Variants in HORMAD2 observed in about 807,000 individuals in gnomAD.
HORMAD2 encodes HORMA domain-containing protein 2.
A neutral mutation model predicts 38.8 loss-of-function variants in HORMAD2; 45 were observed. The ratio of observed to expected loss-of-function variants is 1.16; its 90% confidence interval spans 0.91 to 1.49. HORMAD2 has a LOEUF of 1.49. HORMAD2 is among the 40% of genes most tolerant of loss of function. HORMAD2 has a pLI of 0.00. For missense variants in HORMAD2, 338 were observed against 367.0 expected, an observed-to-expected ratio of 0.92 and a Z score of 0.65; for synonymous variants, 126 against 122.8, an observed-to-expected ratio of 1.03 and a Z score of -0.17.
chr22:30,140,689 G>A (rs879580526), intron 10 of HORMAD2, among the ~76,000 whole-genome samples: 2 of 152,072 alleles, frequency 1.3e-5, no homozygotes, highest in African/African-American at 2.4e-5. Flanking sequence ...GGTCAAGCTG[G>A]CTAAAGGTTT....
the HORMAD2 span, among the ~76,000 whole-genome samples, chr22:30,203,876 G>A: frequency 6.6e-6 from 1 of 152,110 alleles, no homozygotes; most frequent in Non-Finnish European, 1.5e-5. Context: ...ACATGTCCAT[G>A]CGTATAGGTT....
intron 10 of HORMAD2, among the ~76,000 whole-genome samples, chr22:30,127,431 A>C (rs1368945408): frequency 6.6e-6 from 1 of 151,536 alleles, no homozygotes; most frequent in African/African-American, 2.4e-5. Context: ...CTGGTCTCGA[A>C]CTCCTGACTT....
intron 10 of HORMAD2, among the ~76,000 whole-genome samples, chr22:30,163,165 A>G (rs541256233): frequency 7.2e-5 from 11 of 152,172 alleles, no homozygotes; most frequent in Non-Finnish European, 1.6e-4. Context: ...AAAGTGTTCT[A>G]GGTTTATTTC....
rs1601520733 is a variant in HORMAD2 at position 30,104,530 on chromosome 22, AC to A, written c.294+94del. 7 of 1,081,710 alleles carry A rather than the reference AC, an allele frequency of 6.5e-6. No homozygotes were observed. The East Asian group carries it at 1.7e-4, about 26-fold the overall frequency. 67.0% of individuals were successfully genotyped at this position (1,081,710 alleles called of 1,614,324 possible). On this transcript the variant is annotated intron_variant, in intron 5 of 10. Transcript: ENST00000336726. ...GACATTTATTTTGTTTTTGTGTTTA[AC>A]AGTATAAGTGTCTACGTTTGCATCC...
intron 10 of HORMAD2, among the ~76,000 whole-genome samples, chr22:30,129,255 AAGAGAG>A (rs1569102362): frequency 1.9e-4 from 9 of 48,454 alleles, no homozygotes; most frequent in Non-Finnish European, 2.9e-4. Context: ...AAAAAAAAAA[AAGAGAG>A]AGAGAGAATA....
At chr22:30,096,097 A>G (rs1055969103) in intron 2 of HORMAD2, among the ~76,000 whole-genome samples, 3 of 152,188 alleles carry the variant, frequency 2.0e-5, no homozygotes, top group Non-Finnish European at 4.4e-5. Context: ...AGTCATCTAT[A>G]TTACTCAGTA....
intron 7 of HORMAD2, among the ~76,000 whole-genome samples, chr22:30,115,241 C>T (rs1167462002): frequency 6.6e-6 from 1 of 152,132 alleles, no homozygotes; most frequent in African/African-American, 2.4e-5. Flanking sequence ...ATCCTCCAAC[C>T]TCAGCTTCCC....
intron 1 of HORMAD2, among the ~76,000 whole-genome samples, chr22:30,085,154 A>G (rs1258759891): frequency 6.6e-6 from 1 of 152,022 alleles, no homozygotes; most frequent in Non-Finnish European, 1.5e-5. Flanking sequence ...TCAAAAAAAA[A>G]AAAAATGAGC....
At chr22:30,124,255 GAACACA>G (rs1922673397) in intron 10 of HORMAD2, among the ~76,000 whole-genome samples, 1 of 74,082 alleles carries the variant, frequency 1.3e-5, no homozygotes, top group Admixed American at 1.4e-4. Flanking sequence ...GGAATACATG[GAACACA>G]CACACACACA....
downstream of HORMAD2, among the ~76,000 whole-genome samples, chr22:30,178,657 T>C (rs1048869857): frequency 2.0e-5 from 3 of 152,222 alleles, no homozygotes; most frequent in African/African-American, 4.8e-5. Context: ...GCTGACACTT[T>C]AGTGAAAAGA....
At chr22:30,165,469 G>A (rs1407308634) in intron 10 of HORMAD2, among the ~76,000 whole-genome samples, 2 of 152,184 alleles carry the variant, frequency 1.3e-5, no homozygotes, top group Non-Finnish European at 2.9e-5. Flanking sequence ...GAGAAAGGTT[G>A]TGTTGAGTCT....
intron 2 of HORMAD2, among the ~76,000 whole-genome samples, chr22:30,098,558 G>A (rs531912978): frequency 9.2e-5 from 14 of 152,242 alleles, no homozygotes; most frequent in South Asian, 6.2e-4. Flanking sequence ...TCTGAGGAGT[G>A]TATGAGAGGG....
chr22:30,144,564 G>A (rs1420278394), intron 10 of HORMAD2, among the ~76,000 whole-genome samples: 2 of 152,200 alleles, frequency 1.3e-5, no homozygotes, highest in Non-Finnish European at 2.9e-5. Flanking sequence ...TCTGGAGCTA[G>A]GTACGGGGAC....
chr22:30,127,354 A>C (rs1287824008), intron 10 of HORMAD2, among the ~76,000 whole-genome samples: 1 of 151,664 alleles, frequency 6.6e-6, no homozygotes, highest in African/African-American at 2.4e-5. Context: ...GATTACAGGC[A>C]TGTGCCACCA....
At chr22:30,096,019 T>G (rs2068775542) in intron 2 of HORMAD2, among the ~76,000 whole-genome samples, 1 of 152,176 alleles carries the variant, frequency 6.6e-6, no homozygotes, top group Non-Finnish European at 1.5e-5. Context: ...TATTGTACTT[T>G]ATATAAATGA....
At chr22:30,143,984 C>CTGATGCCAG (rs1924251806) in intron 10 of HORMAD2, among the ~76,000 whole-genome samples, 1 of 152,218 alleles carries the variant, frequency 6.6e-6, no homozygotes, top group Non-Finnish European at 1.5e-5. Context: ...TCACCAGAAG[C>CTGATGCCAG]TGATGCCAGT....
intron 10 of HORMAD2, among the ~76,000 whole-genome samples, chr22:30,154,467 A>G (rs552627622): frequency 2.6e-5 from 4 of 152,364 alleles, no homozygotes; most frequent in Non-Finnish European, 5.9e-5. Context: ...TATTCACAAT[A>G]TAACCATCAA....
rs558165925 is a variant in HORMAD2 at position 30,112,348 on chromosome 22, A to G, written c.316-148A>G. 45 of 548,408 alleles carry G rather than the reference A, an allele frequency of 8.2e-5. No homozygotes were observed. The African/African-American group carries it at 8.9e-4, about 11-fold the overall frequency. 34.0% of individuals were successfully genotyped at this position (548,408 alleles called of 1,614,324 possible). ...AATATTCTAAAGACTCTACATTCAC[A>G]AAATAAGCATATCCTATCTCTAGCT... On this transcript the variant is annotated intron_variant, in intron 6 of 10. Transcript: ENST00000336726.
At chr22:30,204,970 C>T in the HORMAD2 span, among the ~76,000 whole-genome samples, 1 of 152,170 alleles carries the variant, frequency 6.6e-6, no homozygotes, top group Non-Finnish European at 1.5e-5. Context: ...ATTGCAGCTT[C>T]CTCCTGGAGC....
Sources: gnomAD v4.1 joint callset for allele counts (sites outside exome capture counted in the v4.1 genomes callset) on GRCh38, gnomAD v4.1.1 for gene constraint, MANE v1.5 for transcripts, NCBI Gene and HGNC (gene_info 2026-07-23, HGNC 2026-07-21) for gene names.